FBXO42: variants seen among roughly 807,000 people sequenced by gnomAD.
FBXO42 encodes the protein F-box only protein 42.
In FBXO42, 12 loss-of-function variants were observed where a neutral mutation model predicts 71.7. The observed-to-expected ratio is 0.17, with a 90% CI of 0.11 to 0.27. FBXO42 has a LOEUF of 0.27. Among genes scored for constraint, FBXO42 ranks in the 10% least tolerant of loss-of-function variants. The pLI is 1.00. For missense variants in FBXO42, 707 were observed against 911.9 expected (o/e 0.78, Z 2.89); for synonymous variants, 325 against 327.5 (o/e 0.99, Z 0.08).
chr1:16,273,124 T>C (rs1251364409), intron 4 of FBXO42, among the ~76,000 whole-genome samples: 4 of 152,110 alleles, frequency 2.6e-5, no homozygotes, highest in Admixed American at 2.0e-4. Context: ...ACAAAAACTA[T>C]GAAAGGTAGG....
At chr1:16,342,413 A>C (rs1393509535) in intron 1 of FBXO42, among the ~76,000 whole-genome samples, 3 of 150,994 alleles carry the variant, frequency 2.0e-5, no homozygotes, top group Admixed American at 6.6e-5. Context: ...AAAAAAAAAA[A>C]AAAACCCTAA....
intron 6 of FBXO42, among the ~76,000 whole-genome samples, chr1:16,255,366 G>C (rs1169428971): frequency 6.8e-6 from 1 of 147,440 alleles, no homozygotes; most frequent in Non-Finnish European, 1.5e-5. Context: ...TAAGAGTCTC[G>C]ATCTGTTGCC....
At chr1:16,297,211 T>C (rs942793836) in intron 3 of FBXO42, among the ~76,000 whole-genome samples, 8 of 152,180 alleles carry the variant, frequency 5.3e-5, no homozygotes, top group African/African-American at 1.9e-4. Flanking sequence ...CCCAAAGTGT[T>C]GGGATTATAG....
At chr1:16,303,718 C>T (rs773404153) in intron 3 of FBXO42, among the ~76,000 whole-genome samples, 8 of 151,880 alleles carry the variant, frequency 5.3e-5, no homozygotes, top group Non-Finnish European at 1.0e-4. Flanking sequence ...CAGGTGCCTG[C>T]CACCATACCT....
At chr1:16,298,222 T>C (rs540329269) in intron 3 of FBXO42, among the ~76,000 whole-genome samples, 10 of 152,080 alleles carry the variant, frequency 6.6e-5, no homozygotes, top group Non-Finnish European at 1.2e-4. Flanking sequence ...CAAGACTCTG[T>C]CTCAAAAAAC....
intron 1 of FBXO42, among the ~76,000 whole-genome samples, chr1:16,326,380 G>C (rs910324720): frequency 6.7e-6 from 1 of 149,814 alleles, no homozygotes; most frequent in Non-Finnish European, 1.5e-5. Flanking sequence ...ACAACTACTC[G>C]AGTTTTAAAA....
chr1:16,251,186 G>A lies in FBXO42; in HGVS notation c.1638C>T (p.Ala546=), dbSNP rs754885171. ...GVHTPPHVAS[A]LAGAVSPGAL... ...CACCTGGGGAGACGGCCCCTGCAAG[G>A]GCACTGGCCACGTGAGGTGGGGTAT... Residue 546 remains alanine (A), a synonymous_variant, in exon 10 of 10, where the codon GCC becomes GCT. Coordinates refer to ENST00000375592, the MANE Select transcript of FBXO42 (RefSeq NM_018994.3). This position sits in a 1 kb window ranked among gnomAD's most constrained non-coding sequence, Gnocchi z 4.5. 3.7e-5 allele frequency: 60 copies of A among 1,614,004 alleles called. No homozygotes were observed. Among genetic ancestry groups the A allele is most frequent in the Non-Finnish European group, 5.0e-5 (59 of 1,180,022 alleles).
rs1284290619 is a variant in FBXO42, at chr1:16,248,317, A to C, written c.*2353T>G. 6.6e-6 allele frequency: 1 copy of C among 152,190 alleles called. No individual in the cohort carries two copies. The highest frequency in any genetic ancestry group is 1.5e-5 in the Non-Finnish European group (1 of 68,042). 9.4% of individuals were successfully genotyped at this position (152,190 alleles called of 1,614,324 possible). A position where few individuals can be genotyped will look rare whatever the true frequency, so the allele number is the denominator to read the frequency against. ...ACCATAATGGGGGCAGACAAGGCAG[A>C]TTTTTCTTAAAAAGCTGTAAGCAAA... On this transcript the variant is annotated 3_prime_UTR_variant, in exon 10 of 10. Transcript: ENST00000375592.
intron 5 of FBXO42, 127 bp downstream of exon 5, chr1:16,256,479 C>T (rs1391004878): frequency 1.0e-6 from 1 of 987,206 alleles, no homozygotes; most frequent in East Asian, 2.6e-5. Context: ...GCATTTTTCC[C>T]CTCCTGGGAA....
intron 4 of FBXO42, among the ~76,000 whole-genome samples, chr1:16,268,993 A>G (rs2081808502): frequency 6.6e-6 from 1 of 151,664 alleles, no homozygotes; most frequent in African/African-American, 2.4e-5. Flanking sequence ...ATTTTAGCAG[A>G]GATGGGAGTG....
chr1:16,302,623 C>T (rs1052492062), intron 3 of FBXO42, among the ~76,000 whole-genome samples: 1 of 152,166 alleles, frequency 6.6e-6, no homozygotes, highest in African/African-American at 2.4e-5. Context: ...AACTCTCCTG[C>T]CTCAGCCTCC....
At chr1:16,272,268 C>CT (rs1359538554) in intron 4 of FBXO42, among the ~76,000 whole-genome samples, 27 of 149,554 alleles carry the variant, frequency 1.8e-4, no homozygotes, top group Non-Finnish European at 3.3e-4. Flanking sequence ...CTGCAACTCT[C>CT]TTTTTTTTGA....
At chr1:16,286,274 C>T (rs1169489221) in intron 4 of FBXO42, among the ~76,000 whole-genome samples, 1 of 152,068 alleles carries the variant, frequency 6.6e-6, no homozygotes, top group East Asian at 1.9e-4. Flanking sequence ...TGAAGAAATA[C>T]CCAAGACTGA....
intron 1 of FBXO42, among the ~76,000 whole-genome samples, chr1:16,332,080 G>C (rs987841278): frequency 8.5e-5 from 13 of 152,066 alleles, no homozygotes; most frequent in Admixed American, 8.5e-4. Context: ...AAAAGTATAT[G>C]ATATCAGTTG....
At chr1:16,322,957 G>C (rs1021022668) in intron 1 of FBXO42, among the ~76,000 whole-genome samples, 4 of 152,168 alleles carry the variant, frequency 2.6e-5, no homozygotes, top group African/African-American at 9.7e-5. Flanking sequence ...AGATTTGAGG[G>C]CAATATTTGA....
chr1:16,314,127 T>C (rs1371797543), intron 2 of FBXO42, among the ~76,000 whole-genome samples: 1 of 152,114 alleles, frequency 6.6e-6, no homozygotes, highest in Non-Finnish European at 1.5e-5. Flanking sequence ...TATTTTTGTA[T>C]TTTTAGTAGA....
intron 2 of FBXO42, among the ~76,000 whole-genome samples, chr1:16,313,514 G>T (rs1366859882): frequency 6.6e-6 from 1 of 152,114 alleles, no homozygotes; most frequent in Non-Finnish European, 1.5e-5. Flanking sequence ...ATTGCAGGGA[G>T]CCAATCTCTC....
In FBXO42 at chr1:16,249,486, A is replaced by C. The variant is rs2081569006; in HGVS notation, c.*1184T>G. The C allele has an allele frequency of 6.6e-6, 1 of 152,270 alleles. No individual in the cohort carries two copies. The highest frequency in any genetic ancestry group is 1.5e-5 in the Non-Finnish European group (1 of 68,044). 9.4% of individuals were successfully genotyped at this position (152,270 alleles called of 1,614,324 possible). ...CACAAGGAAAAAAACATTTCTAAAAAGAACTGTTATTGGAATTCCCTTCCA... is the reference window on the plus strand; with the variant it reads ...CACAAGGAAAAAAACATTTCTAAAACGAACTGTTATTGGAATTCCCTTCCA... On this transcript the variant is annotated 3_prime_UTR_variant, in exon 10 of 10. Transcript: ENST00000375592.
intron 1 of FBXO42, among the ~76,000 whole-genome samples, chr1:16,333,607 A>T (rs2082523724): frequency 1.3e-5 from 2 of 152,296 alleles, no homozygotes; most frequent in South Asian, 4.1e-4. Flanking sequence ...TTAAAATATG[A>T]AAAAATAAAA....
Sources: allele counts gnomAD v4.1 joint callset (sites outside exome capture counted in the v4.1 genomes callset), GRCh38; gene constraint gnomAD v4.1.1; non-coding constraint Gnocchi (gnomAD v3.1); transcripts MANE v1.5; gene names NCBI Gene and HGNC (gene_info 2026-07-23, HGNC 2026-07-21).